The following ZNF318 variants were observed in gnomAD, a reference collection of about 807,000 sequenced individuals.
ZNF318 encodes endocrine regulator.
ZNF318 carries 51 observed loss-of-function variants against 124.2 expected under a neutral mutation model. The ratio of observed to expected loss-of-function variants is 0.41; its 90% CI spans 0.33 to 0.52. The LOEUF (loss-of-function observed/expected upper bound fraction) is 0.52, where lower values mean the gene tolerates loss of function less well. Among genes scored for constraint, ZNF318 ranks in the 20% least tolerant of loss-of-function variants. The pLI is 0.23. For missense variants in ZNF318, 2,815 were observed against 2,811.2 expected (o/e 1.00, Z -0.03); for synonymous variants, 1,090 against 1,040.7 (o/e 1.05, Z -0.91).
At chr6:43,361,940 G>C (rs1347574918) in intron 2 of ZNF318, among the ~76,000 whole-genome samples, 1 of 152,130 alleles carries the variant, frequency 6.6e-6, no homozygotes, top group Non-Finnish European at 1.5e-5. Context: ...AGGGTCACTT[G>C]AGCTCAGGAG....
Position 43,369,382 on chromosome 6 carries a change from G to A in ZNF318, c.-17C>T. ...GCGGTACATGGTTCTTGCAGCGGCG[G>A]CCACGGCGACAGCTCTGACCCGGGG... On this transcript the variant is annotated 5_prime_UTR_variant, in exon 1 of 10. Coordinates refer to ENST00000361428, the MANE Select transcript of ZNF318 (RefSeq NM_014345.3). 1.6e-6 allele frequency: 2 copies of A among 1,240,148 alleles called. No individual in the cohort carries two copies. Among genetic ancestry groups the A allele is most frequent in the Non-Finnish European group, 2.0e-6 (2 of 986,438 alleles). The allele number at this position is 1,240,148 out of a possible 1,614,324, so 76.8% of individuals were successfully genotyped here. A position where few individuals can be genotyped will look rare whatever the true frequency, so the allele number is the denominator to read the frequency against.
At chr6:43,352,181 C>T in intron 5 of ZNF318, among the ~76,000 whole-genome samples, 196 bp downstream of exon 5, 1 of 49,144 alleles carries the variant, frequency 2.0e-5, no homozygotes, top group South Asian at 7.0e-4. Context: ...TCATCATCAT[C>T]ATCACCACCA....
chr6:43,337,978 T>C lies in ZNF318; in HGVS notation c.6020A>G (p.Lys2007Arg), dbSNP rs1422585814. 1.2e-6 allele frequency: 2 copies of C among 1,614,184 alleles called. No homozygotes were observed. The highest frequency in any genetic ancestry group is 1.7e-6 in the Non-Finnish European group (2 of 1,180,030). The stretch of plus-strand genomic sequence containing the variant: ...CCCCAGGGCAGTAAGCTCCTCTACC[T>C]TTAAGTCTGTAGCTTCAAAGTCTTC... ...ALEDFEATDL[K>R]VEELTALGNL... The change falls in exon 10 of 10, where the codon AAG (lysine) becomes AGG (arginine). Residue 2007 changes from lysine to arginine, a missense_variant. By Grantham distance (26) the Lys-to-Arg change is conservative. Around this residue, in one of 4 missense-constraint regions of ZNF318, gnomAD observed 927 missense variants for 820.6 expected, o/e 1.13. Coordinates refer to ENST00000361428, the MANE Select transcript of ZNF318 (RefSeq NM_014345.3).
In ZNF318 at chr6:43,355,067, G is replaced by A. The variant is rs1362197912; in HGVS notation, c.2267C>T (p.Ala756Val). 1 of 1,614,174 alleles carries A rather than the reference G, an allele frequency of 6.2e-7. No homozygotes were observed. The highest frequency in any genetic ancestry group is 1.7e-5 in the Admixed American group (1 of 60,026). Residue 756 changes from alanine to valine, a missense_variant, in exon 4 of 10, where the codon GCT (alanine) becomes GTT (valine). By Grantham distance (64) the Ala-to-Val change is moderately conservative (BLOSUM62 0). Transcript: ENST00000361428. ...TGGCATGTGAAACTGAGATAAAGCAGCAGTGTGTGGAAGTCTAATTGGGGC... is the reference window on the plus strand; with the variant it reads ...TGGCATGTGAAACTGAGATAAAGCAACAGTGTGTGGAAGTCTAATTGGGGC... ...PSAPIRLPHT[A>V]ALSQFHMPRA...
In ZNF318 at chr6:43,357,398, G is replaced by C. The variant is rs750010245; in HGVS notation, c.916C>G (p.Pro306Ala). Residue 306 changes from proline (P) to alanine (A), a missense_variant, in exon 3 of 10, where the codon CCA becomes GCA. Pro to Ala is a conservative substitution (Grantham distance 27, BLOSUM62 -1). Coordinates refer to ENST00000361428, the MANE Select transcript of ZNF318 (RefSeq NM_014345.3). ...TCAGGGTCGAGAAACCTAGGACTTG[G>C]GCTTCTTCTACGCTGTCGATAGTTG... Reference protein sequence around the residue: ...TRNYRQRRRSPSPRFLDPEFR... With the variant: ...TRNYRQRRRSASPRFLDPEFR... 1 of 1,614,074 alleles carries C rather than the reference G, an allele frequency of 6.2e-7. No homozygotes were observed. The highest frequency in any genetic ancestry group is 8.5e-7 in the Non-Finnish European group (1 of 1,180,018).
At chr6:43,365,105 G>C (rs1779741602) in intron 2 of ZNF318, among the ~76,000 whole-genome samples, 187 bp downstream of exon 2, 1 of 151,836 alleles carries the variant, frequency 6.6e-6, no homozygotes, top group South Asian at 2.1e-4. Context: ...TTCAACAACA[G>C]AGTCTACACA....
chr6:43,368,980 T>A lies in ZNF318; in HGVS notation c.386A>T (p.Asp129Val). ...ARDGRGDHPG[D>V]SGSRRRSPGL... ...GGGTGGGATTACCCGGCTGCCGCTGTCGCCTGGATGGTCTCCGCGGCCGTC... is the reference window on the plus strand; with the variant it reads ...GGGTGGGATTACCCGGCTGCCGCTGACGCCTGGATGGTCTCCGCGGCCGTC... Residue 129 changes from aspartate to valine, a missense_variant, in exon 1 of 10, where the codon GAC becomes GTC. By Grantham distance (152) the Asp-to-Val change is radical (BLOSUM62 -3). Coordinates refer to ENST00000361428, the MANE Select transcript of ZNF318 (RefSeq NM_014345.3). 7.0e-7 allele frequency: 1 copy of A among 1,426,060 alleles called. No individual in the cohort carries two copies. Among genetic ancestry groups the A allele is most frequent in the Non-Finnish European group, 9.2e-7 (1 of 1,086,694 alleles). 88.3% of individuals were successfully genotyped at this position (1,426,060 alleles called of 1,614,324 possible).
Position 43,369,452 on chromosome 6 carries a change from G to GCCGCCA in ZNF318, c.-93_-88dup. The GCCGCCA allele has an allele frequency of 9.4e-7, 1 of 1,060,876 alleles. No homozygotes were observed. Among genetic ancestry groups the GCCGCCA allele is most frequent in the Admixed American group, 5.0e-5 (1 of 20,118 alleles). The allele number at this position is 1,060,876 out of a possible 1,614,324, so 65.7% of individuals were successfully genotyped here. A position where few individuals can be genotyped will look rare whatever the true frequency, so the allele number is the denominator to read the frequency against. ...GGAGCGCGCCGCCGCAGCTGCAGCCGCCGCCACCTCGGCCGCTGCGCGCCG... is the reference window on the plus strand; with the variant it reads ...GGAGCGCGCCGCCGCAGCTGCAGCCGCCGCCACCGCCACCTCGGCCGCTGCGCGCCG... On this transcript the variant is annotated 5_prime_UTR_variant, in exon 1 of 10. Coordinates refer to ENST00000361428, the MANE Select transcript of ZNF318 (RefSeq NM_014345.3).
rs1179731275 is a variant in ZNF318, at chr6:43,336,441, T to C, written c.*717A>G. On this transcript the variant is annotated 3_prime_UTR_variant, in exon 10 of 10. Coordinates refer to ENST00000361428, the MANE Select transcript of ZNF318 (RefSeq NM_014345.3). Reference sequence around the variant, plus strand: ...TGAACCATGAATAAGCCTTACCGATTTGTCGTCTTCTAAAAGTAAGCCTGC... The same window carrying C: ...TGAACCATGAATAAGCCTTACCGATCTGTCGTCTTCTAAAAGTAAGCCTGC... 1 of 152,260 alleles carries C rather than the reference T, an allele frequency of 6.6e-6. No homozygotes were observed. The highest frequency in any genetic ancestry group is 1.5e-5 in the Non-Finnish European group (1 of 68,034). 9.4% of individuals were successfully genotyped at this position (152,260 alleles called of 1,614,324 possible). A position where few individuals can be genotyped will look rare whatever the true frequency, so the allele number is the denominator to read the frequency against.
At position 43,339,855 on chromosome 6, in the gene ZNF318, G is replaced by A; in HGVS notation, c.4143C>T (p.Ser1381=). The part of the protein sequence containing the change: ...APLNTFLSIK[S]SGTTAKPLPV... ...GCAGAGGTTTAGCAGTGGTTCCAGAGGACTTAATAGACAGAAAGGTGTTAA... is the reference window on the plus strand; with the variant it reads ...GCAGAGGTTTAGCAGTGGTTCCAGAAGACTTAATAGACAGAAAGGTGTTAA... Residue 1381 remains serine, a synonymous_variant, in exon 10 of 10, where the codon TCC becomes TCT. Transcript: ENST00000361428. This position sits in a 1 kb window ranked among gnomAD's most constrained non-coding sequence, Gnocchi z 4.2. The A allele has an allele frequency of 6.2e-7, 1 of 1,614,186 alleles. No homozygotes were observed. The highest frequency in any genetic ancestry group is 8.5e-7 in the Non-Finnish European group (1 of 1,180,032).
At position 43,337,777 on chromosome 6, in the gene ZNF318, T is replaced by C. The variant is rs750337705; in HGVS notation, c.6221A>G (p.Asp2074Gly). 6.2e-7 allele frequency: 1 copy of C among 1,614,176 alleles called. No homozygotes were observed. Among genetic ancestry groups the C allele is most frequent in the Non-Finnish European group, 8.5e-7 (1 of 1,180,040 alleles). Reference protein sequence around the residue: ...PIPSFSGFPLDSPKTLVLDFE... With the variant: ...PIPSFSGFPLGSPKTLVLDFE... ...GTCAAGCACCAAGGTTTTGGGAGAA[T>C]CTAACGGAAACCCAGAAAAAGATGG... The change falls in exon 10 of 10, where the codon GAT (aspartate) becomes GGT (glycine). Residue 2074 changes from aspartate (D) to glycine (G), a missense_variant. Asp to Gly is a moderately conservative substitution (Grantham distance 94). Around this residue, in one of 4 missense-constraint regions of ZNF318, gnomAD observed 927 missense variants for 820.6 expected, o/e 1.13. Coordinates refer to ENST00000361428, the MANE Select transcript of ZNF318 (RefSeq NM_014345.3).
intron 6 of ZNF318, among the ~76,000 whole-genome samples, chr6:43,346,158 C>T (rs530448306): frequency 2.3e-5 from 3 of 130,284 alleles, no homozygotes; most frequent in Non-Finnish European, 1.5e-5. Context: ...TCACGCCACA[C>T]GCCACAGAAT....
At chr6:43,360,268 A>G (rs1031644321) in intron 2 of ZNF318, among the ~76,000 whole-genome samples, 1 of 152,214 alleles carries the variant, frequency 6.6e-6, no homozygotes, top group African/African-American at 2.4e-5. Flanking sequence ...AAAAGGCATA[A>G]AAACAGTTTT....
Position 43,340,396 on chromosome 6 carries a change from T to G in ZNF318, c.3602A>C (p.Lys1201Thr). The change falls in exon 10 of 10, where the codon AAG becomes ACG. Residue 1201 changes from lysine (K) to threonine (T), a missense_variant. By Grantham distance (78) the Lys-to-Thr change is moderately conservative. This residue lies in a region of ZNF318 where 500 missense variants were observed against 605.2 expected (regional missense o/e 0.83). Transcript: ENST00000361428. ...CTTTGGTTTCTCACTAAGTTTGCGC[T>G]TTAGCTCACTCTGCCGTCGCCGTTC... is the stretch of plus-strand genomic sequence containing the variant. ...ETERRRQSEL[K>T]RKLSEKPKEE... 1 of 1,614,138 alleles carries G rather than the reference T, an allele frequency of 6.2e-7. No homozygotes were observed. The highest frequency in any genetic ancestry group is 8.5e-7 in the Non-Finnish European group (1 of 1,180,018).
At chr6:43,359,537 G>C (rs978084722) in intron 2 of ZNF318, among the ~76,000 whole-genome samples, 1 of 152,200 alleles carries the variant, frequency 6.6e-6, no homozygotes, top group African/African-American at 2.4e-5. Flanking sequence ...ATTCCAGAGT[G>C]AATTATCATC....
rs10560070 is a variant in ZNF318 at position 43,343,827 on chromosome 6, CAAA to C, written c.3073-951_3073-949del. ...CTCAGCAACAAGTGAGACCCTGTCT[CAAA>C]AAAAAAAAAAAAAAAAAAAAAATTT... is the stretch of plus-strand genomic sequence containing the variant. On this transcript the variant is annotated intron_variant, in intron 6 of 9. Coordinates refer to ENST00000361428, the MANE Select transcript of ZNF318 (RefSeq NM_014345.3). Among the ~76,000 whole-genome samples the C allele has an allele frequency of 6.0e-3, 614 of 101,880 alleles. 3 individuals carry two copies. Among genetic ancestry groups the C allele is most frequent in the African/African-American group, 0.017 (511 of 29,794 alleles). 66.8% of individuals were successfully genotyped at this position (101,880 alleles called of 152,430 possible).
In ZNF318 at chr6:43,338,235, T is replaced by C; in HGVS notation, c.5763A>G (p.Leu1921=). ...QGVSVVSEEG[L]ENSAPESASR... ...AAGCTGATTCTGGAGCTGAATTCTCTAGCCCCTCCTCACTAACAACTGAAA... is the reference window on the plus strand; with the variant it reads ...AAGCTGATTCTGGAGCTGAATTCTCCAGCCCCTCCTCACTAACAACTGAAA... Residue 1921 remains leucine, a synonymous_variant, in exon 10 of 10, where the codon CTA becomes CTG. Transcript: ENST00000361428. 6.2e-7 allele frequency: 1 copy of C among 1,614,174 alleles called. No homozygotes were observed. Among genetic ancestry groups the C allele is most frequent in the Non-Finnish European group, 8.5e-7 (1 of 1,180,032 alleles).
At chr6:43,360,574 C>T (rs561505552) in intron 2 of ZNF318, among the ~76,000 whole-genome samples, 1 of 152,226 alleles carries the variant, frequency 6.6e-6, no homozygotes, top group South Asian at 2.1e-4. Flanking sequence ...TTTGTGTTTA[C>T]AAATCTCTGT....
rs781130199 is a variant in ZNF318, at chr6:43,340,477, T to TA, written c.3520dup (p.Tyr1174LeufsTer2). 6.2e-7 allele frequency: 1 copy of TA among 1,604,324 alleles called. No individual in the cohort carries two copies. The highest frequency in any genetic ancestry group is 8.5e-7 in the Non-Finnish European group (1 of 1,177,136). On this transcript the variant is annotated frameshift_variant, in exon 10 of 10. Coordinates refer to ENST00000361428, the MANE Select transcript of ZNF318 (RefSeq NM_014345.3). LOFTEE classifies it high-confidence loss of function. ...GCGGTCCAGATTCCGCCGCTCCTCA[T>TA]ATAATGGGTTTTCATCCACATATTT...
Sources: gnomAD v4.1 joint callset for allele counts (sites outside exome capture counted in the v4.1 genomes callset) on GRCh38, gnomAD v4.1.1 for gene constraint, gnomAD v4.1.1 regional missense constraint, Gnocchi (gnomAD v3.1) non-coding constraint, MANE v1.5 for transcripts, NCBI Gene and HGNC (gene_info 2026-07-23, HGNC 2026-07-21) for gene names.